CENPP: variants seen among roughly 807,000 people sequenced by gnomAD.
CENPP encodes the protein centromere protein P.
In CENPP, 24 loss-of-function variants were observed where a neutral mutation model predicts 35.6. That is an observed-to-expected ratio of 0.67 (90% CI 0.49 to 0.95). CENPP has a LOEUF of 0.95. CENPP is among the 40% of genes least tolerant of loss of function. The pLI, the probability that CENPP is intolerant of heterozygous loss-of-function variation, is 0.00. For missense variants in CENPP, 332 were observed against 345.3 expected (o/e 0.96, Z 0.31); for synonymous variants, 120 against 125.5 (o/e 0.96, Z 0.29).
At chr9:92,524,887 G>A (rs913773448) in intron 5 of CENPP, among the ~76,000 whole-genome samples, 3 of 152,138 alleles carry the variant, frequency 2.0e-5, no homozygotes, top group Non-Finnish European at 4.4e-5. Context: ...ATGATAGGAA[G>A]GAATGGTAAA....
chr9:92,598,760 G>A (rs1007436529), intron 5 of CENPP, among the ~76,000 whole-genome samples: 1 of 122,648 alleles, frequency 8.2e-6, no homozygotes, highest in African/African-American at 3.2e-5. Flanking sequence ...TTTTTTTTTT[G>A]AGGAATTTTT....
chr9:92,582,890 C>A (rs1850462487), intron 5 of CENPP, among the ~76,000 whole-genome samples: 1 of 152,162 alleles, frequency 6.6e-6, no homozygotes, highest in Non-Finnish European at 1.5e-5. Context: ...ACCGAGTCTT[C>A]AGATTCTCTA....
intron 5 of CENPP, chr9:92,401,168 T>G: frequency 1.3e-6 from 2 of 1,496,264 alleles, no homozygotes; most frequent in Non-Finnish European, 1.9e-6. Context: ...CATTGGGTAT[T>G]ATCACAGTTT....
At chr9:92,516,072 T>TCCCCCCCCC (rs76297691) in intron 5 of CENPP, among the ~76,000 whole-genome samples, 5 of 139,786 alleles carry the variant, frequency 3.6e-5, no homozygotes, top group African/African-American at 1.3e-4. Flanking sequence ...TACTTTTTTT[T>TCCCCCCCCC]CCCCCCCCCG....
At chr9:92,424,735 TGCA>T (rs1454496322) in intron 5 of CENPP, among the ~76,000 whole-genome samples, 1 of 152,178 alleles carries the variant, frequency 6.6e-6, no homozygotes, top group Non-Finnish European at 1.5e-5. Flanking sequence ...AGTATAGTGG[TGCA>T]ACCTCGGCTC....
At chr9:92,406,473 G>A (rs1157069701) in intron 5 of CENPP, among the ~76,000 whole-genome samples, 1 of 152,108 alleles carries the variant, frequency 6.6e-6, no homozygotes, top group South Asian at 2.1e-4. Context: ...GAATACCACT[G>A]TTCATCTATT....
chr9:92,379,708 A>T, intron 4 of CENPP, 55 bp from the exon 5 acceptor site: 1 of 1,311,670 alleles, frequency 7.6e-7, no homozygotes, highest in East Asian at 2.3e-5. Flanking sequence ...ATAAAGCTAG[A>T]TTGGGTCTAT....
intron 4 of CENPP, among the ~76,000 whole-genome samples, chr9:92,377,117 G>C (rs1308429242): frequency 6.6e-6 from 1 of 151,850 alleles, no homozygotes; most frequent in Non-Finnish European, 1.5e-5. Context: ...CTATTGCAGA[G>C]CATTTACCTG....
chr9:92,616,900 T>A lies in CENPP; in HGVS notation c.*3751T>A, dbSNP rs1481769727. On this transcript the variant is annotated 3_prime_UTR_variant, in exon 8 of 8. Transcript: ENST00000375587. ...TGGGTTCTGGTGTCCCAATGTTTAC[T>A]ACGCTTTGAGATTTAGAAATCAACA... The A allele has an allele frequency of 6.6e-6, 1 of 152,266 alleles. No individual in the cohort carries two copies. The highest frequency in any genetic ancestry group is 1.5e-5 in the Non-Finnish European group (1 of 68,092). 9.4% of individuals were successfully genotyped at this position (152,266 alleles called of 1,614,324 possible). A position where few individuals can be genotyped will look rare whatever the true frequency, so the allele number is the denominator to read the frequency against.
chr9:92,402,060 G>A (rs1338997016), intron 5 of CENPP, among the ~76,000 whole-genome samples: 1 of 152,014 alleles, frequency 6.6e-6, no homozygotes, highest in Non-Finnish European at 1.5e-5. Flanking sequence ...TTAAGATAGA[G>A]AAACTTCTAA....
chr9:92,420,579 A>G (rs750107301), intron 5 of CENPP, among the ~76,000 whole-genome samples: 2 of 152,176 alleles, frequency 1.3e-5, no homozygotes, highest in Non-Finnish European at 2.9e-5. Flanking sequence ...ACTGTTTTGT[A>G]ACTTTCCTCT....
chr9:92,609,473 A>C (rs1376766955), intron 5 of CENPP, among the ~76,000 whole-genome samples: 2 of 152,196 alleles, frequency 1.3e-5, no homozygotes, highest in African/African-American at 4.8e-5. Context: ...GATGCTTCTC[A>C]GGGAAAACGT....
chr9:92,341,533 G>C (rs1841119696), intron 3 of CENPP: 1 of 152,190 alleles, frequency 6.6e-6, no homozygotes. Flanking sequence ...CCGACGCTTA[G>C]GAAAAATAGA....
chr9:92,574,482 A>G (rs1482554153), intron 5 of CENPP, among the ~76,000 whole-genome samples: 1 of 152,222 alleles, frequency 6.6e-6, no homozygotes, highest in East Asian at 1.9e-4. Context: ...TTTTGTTACA[A>G]TAGCATAAAA....
At chr9:92,513,346 C>G (rs772864015) in intron 5 of CENPP, among the ~76,000 whole-genome samples, 13 of 152,186 alleles carry the variant, frequency 8.5e-5, no homozygotes, top group Admixed American at 3.3e-4. Flanking sequence ...AGGAGCTCCC[C>G]AGCATGCAGG....
intron 4 of CENPP, among the ~76,000 whole-genome samples, chr9:92,362,215 A>C (rs1164517875): frequency 1.3e-5 from 2 of 151,660 alleles, no homozygotes; most frequent in East Asian, 3.9e-4. Context: ...CTCTTCAAAA[A>C]GTTAAAAAAA....
intron 5 of CENPP, chr9:92,385,045 T>G (rs1349710047): frequency 1.3e-5 from 2 of 152,596 alleles, no homozygotes; most frequent in Non-Finnish European, 2.9e-5. Flanking sequence ...ATTTGGAAAG[T>G]TTTCCTAAAT....
intron 5 of CENPP, among the ~76,000 whole-genome samples, chr9:92,394,223 T>C (rs921519529): frequency 6.6e-6 from 1 of 152,022 alleles, no homozygotes. Context: ...TTTATATATT[T>C]TGATATATTT....
intron 5 of CENPP, among the ~76,000 whole-genome samples, chr9:92,485,859 A>G (rs978813213): frequency 3.9e-5 from 6 of 152,254 alleles, no homozygotes; most frequent in African/African-American, 1.2e-4. Flanking sequence ...TAGGTGAGGC[A>G]GGAGCTATAG....
Sources: gnomAD v4.1 joint callset for allele counts (sites outside exome capture counted in the v4.1 genomes callset) on GRCh38, gnomAD v4.1.1 for gene constraint, MANE v1.5 for transcripts, NCBI Gene and HGNC (gene_info 2026-07-23, HGNC 2026-07-21) for gene names.